Variants in RUNX2 observed in about 807,000 individuals in gnomAD.
RUNX2 encodes RUNX family transcription factor 2, also known as runt-related transcription factor 2.
In RUNX2, 10 loss-of-function variants were observed where a neutral mutation model predicts 51.7. The ratio of observed to expected loss-of-function variants is 0.19; its 90% CI spans 0.12 to 0.33. The LOEUF (loss-of-function observed/expected upper bound fraction) is 0.33. Among genes scored for constraint, RUNX2 ranks in the 10% least tolerant of loss-of-function variants. The pLI, the probability that RUNX2 is intolerant of heterozygous loss-of-function variation, is 1.00. For synonymous variants in RUNX2, 276 were observed against 273.6 expected, an observed-to-expected ratio of 1.01 and a Z score of -0.09; for missense variants, 562 against 691.3, an observed-to-expected ratio of 0.81 and a Z score of 2.10.
intron 2 of RUNX2, among the ~76,000 whole-genome samples, chr6:45,351,685 T>C (rs551465610): frequency 6.6e-6 from 1 of 152,268 alleles, no homozygotes; most frequent in South Asian, 2.1e-4. Context: ...TTTCTCCAAA[T>C]TGATCAACTC....
chr6:45,393,429 A>G (rs908388367), intron 2 of RUNX2, among the ~76,000 whole-genome samples: 3 of 150,262 alleles, frequency 2.0e-5, no homozygotes, highest in Non-Finnish European at 4.4e-5. Flanking sequence ...GTGTAAAGTA[A>G]GATTTTTTTT....
Position 45,548,851 on chromosome 6 carries a change from C to T in RUNX2, c.*1546C>T, listed in dbSNP as rs1802481042. On this transcript the variant is annotated 3_prime_UTR_variant, in exon 9 of 9. Transcript: ENST00000647337. ...CCCCAATCTGCCTTACCCAAGGCCC[C>T]ACTGGCAGCTTTCCACAGAATTTGC... 1 of 290,792 alleles carries T rather than the reference C, an allele frequency of 3.4e-6. No individual in the cohort carries two copies. Among genetic ancestry groups the T allele is most frequent in the Non-Finnish European group, 6.3e-6 (1 of 157,964 alleles). The allele number at this position is 290,792 out of a possible 1,614,324, so 18.0% of individuals were successfully genotyped here. A position where few individuals can be genotyped will look rare whatever the true frequency, so the allele number is the denominator to read the frequency against.
chr6:45,368,154 T>C (rs1563037533), intron 2 of RUNX2, among the ~76,000 whole-genome samples: 2 of 152,200 alleles, frequency 1.3e-5, no homozygotes, highest in Non-Finnish European at 2.9e-5. Context: ...TGCAGTTGTT[T>C]CAGCTTTCAA....
intron 6 of RUNX2, among the ~76,000 whole-genome samples, chr6:45,507,280 G>A (rs1387206082): frequency 6.6e-6 from 1 of 152,122 alleles, no homozygotes. Context: ...ACAGTTTCTT[G>A]TTTGTCGTTA....
At chr6:45,531,899 C>T (rs1801861753) in intron 7 of RUNX2, among the ~76,000 whole-genome samples, 1 of 152,112 alleles carries the variant, frequency 6.6e-6, no homozygotes, top group Admixed American at 6.5e-5. Context: ...TAATTCAGAT[C>T]AAACAATTTG....
intron 2 of RUNX2, among the ~76,000 whole-genome samples, chr6:45,391,760 C>A (rs560916311): frequency 6.6e-6 from 1 of 152,104 alleles, no homozygotes; most frequent in African/African-American, 2.4e-5. Flanking sequence ...CTCACTATCA[C>A]GAGAACAGCA....
intron 3 of RUNX2, among the ~76,000 whole-genome samples, chr6:45,431,596 A>C (rs1390811992): frequency 1.3e-5 from 2 of 152,174 alleles, no homozygotes; most frequent in Non-Finnish European, 2.9e-5. Flanking sequence ...ATGGGGATTT[A>C]ATAAAAATGT....
intron 6 of RUNX2, among the ~76,000 whole-genome samples, chr6:45,504,838 T>A (rs999519599): frequency 3.9e-5 from 6 of 152,204 alleles, no homozygotes; most frequent in Admixed American, 2.6e-4. Context: ...CACCCCAGTT[T>A]TCTCAAGAAA....
In RUNX2 at chr6:45,438,721, C is replaced by T. The variant is rs569059814; in HGVS notation, c.685+670C>T. Among the ~76,000 whole-genome samples, 12 of 152,228 alleles carry T rather than the reference C, an allele frequency of 7.9e-5. 1 individual carries two copies. The highest frequency in any genetic ancestry group is 7.9e-4 in the Admixed American group (12 of 15,286). On this transcript the variant is annotated intron_variant, in intron 5 of 8. Transcript: ENST00000647337. ...AGGTAGCGCACATAATCTACTTGGG[C>T]CAATATGTATGTTCCTTCTAAATCT...
At chr6:45,426,286 T>C (rs1450442083) in intron 3 of RUNX2, among the ~76,000 whole-genome samples, 1 of 152,232 alleles carries the variant, frequency 6.6e-6, no homozygotes, top group East Asian at 1.9e-4. Flanking sequence ...TTTTTAACAT[T>C]TTCAGGTGTA....
At chr6:45,457,018 C>T (rs904849780) in intron 5 of RUNX2, among the ~76,000 whole-genome samples, 3 of 152,070 alleles carry the variant, frequency 2.0e-5, no homozygotes, top group Admixed American at 6.5e-5. Flanking sequence ...TTACCACATC[C>T]AAAATAATTT....
intron 2 of RUNX2, among the ~76,000 whole-genome samples, chr6:45,383,517 C>A (rs530449045): frequency 6.6e-6 from 1 of 152,062 alleles, no homozygotes; most frequent in African/African-American, 2.4e-5. Flanking sequence ...AATTTCTAAT[C>A]TTGCTCATGT....
intron 3 of RUNX2, among the ~76,000 whole-genome samples, chr6:45,426,635 A>G (rs1046977070): frequency 6.6e-5 from 10 of 152,364 alleles, no homozygotes; most frequent in African/African-American, 2.2e-4. Context: ...GTTAGAGAAC[A>G]CTGGACTACA....
At chr6:45,354,970 A>T (rs1792851765) in intron 2 of RUNX2, among the ~76,000 whole-genome samples, 1 of 152,102 alleles carries the variant, frequency 6.6e-6, no homozygotes, top group African/African-American at 2.4e-5. Context: ...CAAAGCCTTA[A>T]TAGCACTTTG....
chr6:45,474,253 G>A (rs929615881), intron 5 of RUNX2, among the ~76,000 whole-genome samples: 2 of 151,856 alleles, frequency 1.3e-5, no homozygotes, highest in African/African-American at 4.8e-5. Context: ...GATAGGTATA[G>A]TAGAGTAAAA....
At position 45,512,268 on chromosome 6, in the gene RUNX2, C is replaced by T; in HGVS notation, c.882C>T (p.Ser294=). 1 of 1,614,012 alleles carries T rather than the reference C, an allele frequency of 6.2e-7. No homozygotes were observed. The highest frequency in any genetic ancestry group is 2.2e-5 in the East Asian group (1 of 44,874). Residue 294 remains serine (S), a synonymous_variant, in exon 7 of 9, where the codon TCC becomes TCT. Transcript: ENST00000647337. ...CAGACCCCAGGCAGGCACAGTCTTC[C>T]CCGCCGTGGTCCTATGACCAGTCTT... is the stretch of plus-strand genomic sequence containing the variant. ...QITDPRQAQS[S]PPWSYDQSYP...
At chr6:45,445,104 A>C (rs1798953941) in intron 5 of RUNX2, among the ~76,000 whole-genome samples, 1 of 152,050 alleles carries the variant, frequency 6.6e-6, no homozygotes, top group Non-Finnish European at 1.5e-5. Flanking sequence ...GGCTCACTGC[A>C]ACCTCCACCT....
At chr6:45,508,497 G>A (rs376619927) in intron 6 of RUNX2, among the ~76,000 whole-genome samples, 1 of 151,994 alleles carries the variant, frequency 6.6e-6, no homozygotes, top group Non-Finnish European at 1.5e-5. Context: ...CAAAGTGGTG[G>A]GATTACAGGT....
intron 2 of RUNX2, among the ~76,000 whole-genome samples, chr6:45,378,329 A>C (rs139918944): frequency 6.6e-6 from 1 of 152,046 alleles, no homozygotes; most frequent in Non-Finnish European, 1.5e-5. Context: ...TTGATTTTCA[A>C]CTCCGAGGAA....
Sources: gnomAD v4.1 joint callset for allele counts (sites outside exome capture counted in the v4.1 genomes callset) on GRCh38, gnomAD v4.1.1 for gene constraint, MANE v1.5 for transcripts, NCBI Gene and HGNC (gene_info 2026-07-23, HGNC 2026-07-21) for gene names.